The following CEP192 variants were observed in gnomAD, a reference collection of about 807,000 sequenced individuals.
CEP192 encodes the protein centrosomal protein 192.
A neutral mutation model predicts 271.8 loss-of-function variants in CEP192; 151 were observed. That is an observed-to-expected ratio of 0.56 (90% CI 0.49 to 0.64). CEP192 has a LOEUF of 0.64. Among genes scored for constraint, CEP192 ranks in the 30% least tolerant of loss-of-function variants. The pLI is 0.00. For synonymous variants in CEP192, 995 were observed against 1,076.5 expected (o/e 0.92, Z 1.48); for missense variants, 2,910 against 3,020.5 (o/e 0.96, Z 0.86).
chr18:13,008,409 C>A, intron 3 of CEP192, 47 bp from the exon 4 acceptor site: 1 of 1,266,826 alleles, frequency 7.9e-7, no homozygotes, highest in Non-Finnish European at 1.1e-6. Flanking sequence ...GTAGATTTAC[C>A]CAAGGTAACT....
chr18:12,991,780 T>G (rs1033375827), intron 1 of CEP192, among the ~76,000 whole-genome samples: 11 of 152,240 alleles, frequency 7.2e-5, no homozygotes, highest in Admixed American at 2.0e-4. Context: ...GGACAGGCCC[T>G]CTCCGTGCTA....
At chr18:13,100,095 T>A (rs2039634513) in intron 37 of CEP192, among the ~76,000 whole-genome samples, 1 of 152,150 alleles carries the variant, frequency 6.6e-6, no homozygotes, top group East Asian at 1.9e-4. Flanking sequence ...GATTACTGAT[T>A]TTCGAAATTT....
Position 13,037,248 on chromosome 18 carries a change from G to T in CEP192, c.1546G>T (p.Asp516Tyr). The T allele has an allele frequency of 7.6e-7, 1 of 1,307,742 alleles. No homozygotes were observed. Among genetic ancestry groups the T allele is most frequent in the South Asian group, 1.3e-5 (1 of 77,934 alleles). 81.0% of individuals were successfully genotyped at this position (1,307,742 alleles called of 1,614,324 possible). The change falls in exon 12 of 45, where the codon GAT becomes TAT. Residue 516 changes from aspartate to tyrosine, a missense_variant. Physicochemically the swap from Asp to Tyr is radical, Grantham distance 160. Coordinates refer to ENST00000506447, the MANE Select transcript of CEP192 (RefSeq NM_032142.4). ...EDFRSGSEAFDLIAQDEEEFN... is the reference protein window; with the variant it reads ...EDFRSGSEAFYLIAQDEEEFN... Reference sequence around the variant, plus strand: ...CATTCTTTTTTAAGCTGAAGCATTTGATTTGATTGCACAAGATGAAGAAGA... The same window carrying T: ...CATTCTTTTTTAAGCTGAAGCATTTTATTTGATTGCACAAGATGAAGAAGA...
rs1248490916 is a variant in CEP192 at position 13,040,969 on chromosome 18, A to T, written c.1936+13A>T. The stretch of plus-strand genomic sequence containing the variant: ...GATCTATATTCAGGTAATGGATTCA[A>T]TGAAGGGGCTTTTAGGAATCTTTTT... On this transcript the variant is annotated intron_variant, in intron 14 of 44. Transcript: ENST00000506447. 1.9e-6 allele frequency: 3 copies of T among 1,592,470 alleles called. No homozygotes were observed. In the East Asian group the frequency reaches 6.7e-5, roughly 36 times the overall value.
At position 13,054,642 on chromosome 18, in the gene CEP192, A is replaced by G. The variant is rs540407032; in HGVS notation, c.3190-1138A>G. ...TGTTTCTTCATCTGTAAGGAGGAATAGTATGTGAGGGCAGTGCTTGTCACC... is the reference window on the plus strand; with the variant it reads ...TGTTTCTTCATCTGTAAGGAGGAATGGTATGTGAGGGCAGTGCTTGTCACC... On this transcript the variant is annotated intron_variant, in intron 18 of 44. Coordinates refer to ENST00000506447, the MANE Select transcript of CEP192 (RefSeq NM_032142.4). Among the ~76,000 whole-genome samples the G allele has an allele frequency of 5.9e-5, 9 of 152,344 alleles. No homozygotes were observed. In the South Asian group the frequency reaches 1.9e-3, roughly 32 times the overall value.
intron 34 of CEP192, among the ~76,000 whole-genome samples, chr18:13,095,108 C>T (rs2039328457): frequency 6.6e-6 from 1 of 152,194 alleles, no homozygotes; most frequent in South Asian, 2.1e-4. Context: ...AGTAATTCTC[C>T]TGCCTCGGCC....
intron 44 of CEP192, among the ~76,000 whole-genome samples, chr18:13,122,110 A>C (rs937821987): frequency 6.6e-6 from 1 of 152,150 alleles, no homozygotes; most frequent in Non-Finnish European, 1.5e-5. Flanking sequence ...CCAACATGTG[A>C]AACCCTGTCT....
chr18:13,122,311 A>T (rs540019153), intron 44 of CEP192, among the ~76,000 whole-genome samples: 56 of 152,322 alleles, frequency 3.7e-4, no homozygotes, highest in African/African-American at 1.3e-3. Context: ...AATCCTAGCT[A>T]CTCAGGAGGC....
chr18:13,001,731 A>G, intron 3 of CEP192, 149 bp downstream of exon 3: 1 of 844,734 alleles, frequency 1.2e-6, no homozygotes, highest in Non-Finnish European at 1.7e-6. Flanking sequence ...GCGGAGTTTC[A>G]CTCACTCCAT....
rs372761316 is a variant in CEP192, at chr18:13,076,781, GTTTA to G, written c.5616+3612_5616+3615del. 3.1e-3 allele frequency among the ~76,000 whole-genome samples: 477 copies of G among 152,056 alleles called. 6 individuals carry two copies. The highest frequency in any genetic ancestry group is 0.022 in the Admixed American group (337 of 15,264). On this transcript the variant is annotated intron_variant, in intron 30 of 44. Coordinates refer to ENST00000506447, the MANE Select transcript of CEP192 (RefSeq NM_032142.4). ...CCAATCTGAAACCCTTTTAAATGCT[GTTTA>G]TTTATTTATTTATTTTGAGACATCA...
chr18:13,069,475 G>A (rs1598504551), intron 26 of CEP192, among the ~76,000 whole-genome samples: 1 of 152,324 alleles, frequency 6.6e-6, no homozygotes, highest in Non-Finnish European at 1.5e-5. Context: ...ATCCGCACAC[G>A]TTGACATCAT....
At chr18:13,071,951 C>A (rs550878561) in intron 28 of CEP192, among the ~76,000 whole-genome samples, 1 of 152,274 alleles carries the variant, frequency 6.6e-6, no homozygotes, top group Admixed American at 6.5e-5. Flanking sequence ...AACCACAGTG[C>A]TTTACAAATT....
intron 15 of CEP192, among the ~76,000 whole-genome samples, chr18:13,044,417 A>G (rs925327758): frequency 7.1e-6 from 1 of 141,412 alleles, no homozygotes; most frequent in Non-Finnish European, 1.5e-5. Flanking sequence ...GCATGGTGTA[A>G]GGTTTTTGTT....
At chr18:12,995,664 A>G (rs141466284) in intron 1 of CEP192, among the ~76,000 whole-genome samples, 91 of 152,360 alleles carry the variant, frequency 6.0e-4, no homozygotes, top group African/African-American at 2.2e-3. Flanking sequence ...AGTGAGTTAC[A>G]TAGCATGCAG....
At chr18:13,086,889 A>G in intron 30 of CEP192, 128 bp from the exon 31 acceptor site, 1 of 649,136 alleles carries the variant, frequency 1.5e-6, no homozygotes, top group East Asian at 2.8e-5. Flanking sequence ...GGGAACTACT[A>G]CCCAAAGTAC....
intron 4 of CEP192, among the ~76,000 whole-genome samples, chr18:13,011,162 G>A (rs1256885818): frequency 2.0e-5 from 3 of 151,528 alleles, no homozygotes; most frequent in African/African-American, 7.3e-5. Flanking sequence ...GGGAGGTGGA[G>A]GTTGCAGTGA....
At chr18:13,001,161 C>G (rs2033618947) in intron 2 of CEP192, among the ~76,000 whole-genome samples, 1 of 152,136 alleles carries the variant, frequency 6.6e-6, no homozygotes, top group South Asian at 2.1e-4. Flanking sequence ...CTTTTCTCAA[C>G]CTAAACATTT....
rs188945044 is a variant in CEP192 at position 13,115,102 on chromosome 18, A to G, written c.7289+851A>G. On this transcript the variant is annotated intron_variant, in intron 42 of 44. Coordinates refer to ENST00000506447, the MANE Select transcript of CEP192 (RefSeq NM_032142.4). Reference sequence around the variant, plus strand: ...GTCATTTATTTTTTAATGGGAGCCAATAATGCATTTGGAAGAAATTAGAGC... The same window carrying G: ...GTCATTTATTTTTTAATGGGAGCCAGTAATGCATTTGGAAGAAATTAGAGC... Among the ~76,000 whole-genome samples, 896 of 152,318 alleles carry G rather than the reference A, an allele frequency of 5.9e-3. 13 individuals carry two copies. Among genetic ancestry groups the G allele is most frequent in the African/African-American group, 0.02 (834 of 41,574 alleles).
At chr18:13,011,109 C>A (rs983895596) in intron 4 of CEP192, among the ~76,000 whole-genome samples, 1 of 151,636 alleles carries the variant, frequency 6.6e-6, no homozygotes, top group Non-Finnish European at 1.5e-5. Flanking sequence ...CGCCTGTAGT[C>A]CCAGCTACTT....
Sources: gnomAD v4.1 joint callset for allele counts (sites outside exome capture counted in the v4.1 genomes callset) on GRCh38, gnomAD v4.1.1 for gene constraint, MANE v1.5 for transcripts, NCBI Gene and HGNC (gene_info 2026-07-23, HGNC 2026-07-21) for gene names.